The following CFAP77 variants were observed in gnomAD, a reference collection of about 807,000 sequenced individuals.
CFAP77 encodes the protein cilia- and flagella-associated protein 77.
CFAP77 carries 25 observed loss-of-function variants against 31.1 expected under a neutral mutation model. That is an observed-to-expected ratio of 0.80 (90% CI 0.59 to 1.12). CFAP77 has a LOEUF of 1.12. Ranked by LOEUF, CFAP77 falls within the 50% of genes most tolerant of loss-of-function variation. CFAP77 has a pLI of 0.00. For synonymous variants in CFAP77, 151 were observed against 159.9 expected, an observed-to-expected ratio of 0.94 and a Z score of 0.42; for missense variants, 377 against 397.3, an observed-to-expected ratio of 0.95 and a Z score of 0.44.
chr9:132,473,396 A>C (rs1851293484), intron 1 of CFAP77, among the ~76,000 whole-genome samples: 1 of 152,096 alleles, frequency 6.6e-6, no homozygotes, highest in Non-Finnish European at 1.5e-5. Flanking sequence ...TCCCTATTTT[A>C]CAGCTGGGGA....
chr9:132,438,530 TA>T lies in CFAP77; in HGVS notation c.195+28065del, dbSNP rs1564204057. ...GGGGAACAGATATGGTATATATATA[TA>T]TATATATATATTTTTTTTTTTTTTT... On this transcript the variant is annotated intron_variant, in intron 1 of 5. Coordinates refer to ENST00000393216, the MANE Select transcript of CFAP77 (RefSeq NM_001282957.2). Among the ~76,000 whole-genome samples, 525 of 116,064 alleles carry T rather than the reference TA, an allele frequency of 4.5e-3. 7 individuals carry two copies. Among genetic ancestry groups the T allele is most frequent in the African/African-American group, 0.02 (481 of 24,514 alleles). The allele number at this position is 116,064 out of a possible 152,430, so 76.1% of individuals were successfully genotyped here.
chr9:132,501,512 C>G lies in CFAP77; in HGVS notation c.524+1912C>G, dbSNP rs1049658471. Among the ~76,000 whole-genome samples, 2 of 151,946 alleles carry G rather than the reference C, an allele frequency of 1.3e-5. No individual in the cohort carries two copies. Among genetic ancestry groups the G allele is most frequent in the Non-Finnish European group, 2.9e-5 (2 of 68,014 alleles). On this transcript the variant is annotated intron_variant, in intron 3 of 5. Coordinates refer to ENST00000393216, the MANE Select transcript of CFAP77 (RefSeq NM_001282957.2). The surrounding 1 kb of genome is among the most constrained non-coding windows in gnomAD (Gnocchi z 4.6). The stretch of plus-strand genomic sequence containing the variant: ...CTCCCTTCCAGGTTCCAGTGATTCT[C>G]CTGCCTCAGCCTCCCGAGTAGCTGG...
chr9:132,509,843 CT>C (rs1020864885), intron 3 of CFAP77, among the ~76,000 whole-genome samples: 2 of 152,096 alleles, frequency 1.3e-5, no homozygotes, highest in Admixed American at 6.5e-5. Context: ...GGGCCCCCAT[CT>C]TTTCCCCCTT....
At chr9:132,466,826 G>A (rs1340171378) in intron 1 of CFAP77, among the ~76,000 whole-genome samples, 1 of 152,180 alleles carries the variant, frequency 6.6e-6, no homozygotes, top group Non-Finnish European at 1.5e-5. Context: ...ATCAATCAAT[G>A]ACATTTGTCA....
chr9:132,476,513 G>A (rs375980593), intron 1 of CFAP77, among the ~76,000 whole-genome samples: 1 of 152,132 alleles, frequency 6.6e-6, no homozygotes, highest in African/African-American at 2.4e-5. Context: ...CTTGGTACTG[G>A]GATGGTTCCC....
Position 132,501,113 on chromosome 9 carries a change from G to A in CFAP77, c.524+1513G>A, listed in dbSNP as rs570921281. ...TTCTATAAAAGCAGAATGTAGTTGT[G>A]TTTAATCGAAACTCACTCATGGCTC... is the stretch of plus-strand genomic sequence containing the variant. On this transcript the variant is annotated intron_variant, in intron 3 of 5. Coordinates refer to ENST00000393216, the MANE Select transcript of CFAP77 (RefSeq NM_001282957.2). The surrounding 1 kb of genome is among the most constrained non-coding windows in gnomAD (Gnocchi z 4.6). Among the ~76,000 whole-genome samples, 6 of 152,374 alleles carry A rather than the reference G, an allele frequency of 3.9e-5. No homozygotes were observed. The South Asian group carries it at 1.0e-3, about 26-fold the overall frequency.
chr9:132,423,361 C>T (rs1453809649), intron 1 of CFAP77, among the ~76,000 whole-genome samples: 1 of 152,218 alleles, frequency 6.6e-6, no homozygotes, highest in Admixed American at 6.5e-5. Context: ...TTCCAGGAGG[C>T]TCCTGGCTGT....
rs543510616 is a variant in CFAP77 at position 132,565,008 on chromosome 9, C to T, written c.733-7380C>T. On this transcript the variant is annotated intron_variant, in intron 5 of 5. Transcript: ENST00000393216. This position sits in a 1 kb window ranked among gnomAD's most constrained non-coding sequence, Gnocchi z 4.1. Reference sequence around the variant, plus strand: ...ATCTGTAGTATGGGAGAGTTAGATTCGATATCACTAAGGTCTCTTCCAAAC... The same window carrying T: ...ATCTGTAGTATGGGAGAGTTAGATTTGATATCACTAAGGTCTCTTCCAAAC... Among the ~76,000 whole-genome samples, 1 of 151,948 alleles carries T rather than the reference C, an allele frequency of 6.6e-6. No homozygotes were observed. The highest frequency in any genetic ancestry group is 1.5e-5 in the Non-Finnish European group (1 of 67,992).
rs551133148 is a variant in CFAP77, at chr9:132,470,992, A to T, written c.196-27703A>T. 1.7e-4 allele frequency among the ~76,000 whole-genome samples: 26 copies of T among 152,346 alleles called. No homozygotes were observed. The East Asian group carries it at 2.3e-3, about 14-fold the overall frequency. ...GACTCTGTTTCAAAAAATTTTTTTT[A>T]AATGATATTTTATAAATGGATATGT... is the stretch of plus-strand genomic sequence containing the variant. On this transcript the variant is annotated intron_variant, in intron 1 of 5. Coordinates refer to ENST00000393216, the MANE Select transcript of CFAP77 (RefSeq NM_001282957.2).
intron 1 of CFAP77, among the ~76,000 whole-genome samples, chr9:132,474,491 A>G (rs1189920401): frequency 6.6e-6 from 1 of 152,204 alleles, no homozygotes; most frequent in Non-Finnish European, 1.5e-5. Context: ...TTGCTCAAGT[A>G]TGCAGGGATC....
chr9:132,557,683 T>C (rs1386594186), intron 5 of CFAP77, among the ~76,000 whole-genome samples: 1 of 152,166 alleles, frequency 6.6e-6, no homozygotes, highest in African/African-American at 2.4e-5. Context: ...TGGCACCCCA[T>C]GCAAATCGAG....
chr9:132,510,793 C>G (rs994534204), intron 3 of CFAP77, among the ~76,000 whole-genome samples: 2 of 152,150 alleles, frequency 1.3e-5, no homozygotes, highest in Non-Finnish European at 2.9e-5. Flanking sequence ...ACCGCTGGAG[C>G]CTTGCATTCG....
chr9:132,481,428 C>T lies in CFAP77; in HGVS notation c.196-17267C>T, dbSNP rs1028371221. Among the ~76,000 whole-genome samples, 9 of 152,220 alleles carry T rather than the reference C, an allele frequency of 5.9e-5. No individual in the cohort carries two copies. The highest frequency in any genetic ancestry group is 1.9e-4 in the African/African-American group (8 of 41,460). ...TCCCTTTGACTAGCCGCCTAATCCT[C>T]GAACTCACTCCTTACACTCCTCCCT... On this transcript the variant is annotated intron_variant, in intron 1 of 5. Coordinates refer to ENST00000393216, the MANE Select transcript of CFAP77 (RefSeq NM_001282957.2). This position sits in a 1 kb window ranked among gnomAD's most constrained non-coding sequence, Gnocchi z 5.0.
In CFAP77 at chr9:132,480,165, C is replaced by T. The variant is rs924220540; in HGVS notation, c.196-18530C>T. On this transcript the variant is annotated intron_variant, in intron 1 of 5. Transcript: ENST00000393216. The surrounding 1 kb of genome is among the most constrained non-coding windows in gnomAD (Gnocchi z 5.8). ...GGCCTCCTCGGCTGCTCTCCTGGAC[C>T]GCCCTCCCCAGGAGCCACCAGACTC... 1.1e-4 allele frequency among the ~76,000 whole-genome samples: 16 copies of T among 152,142 alleles called. No homozygotes were observed. The highest frequency in any genetic ancestry group is 3.9e-4 in the African/African-American group (16 of 41,434).
chr9:132,508,898 G>A (rs939696854), intron 3 of CFAP77, among the ~76,000 whole-genome samples: 3 of 152,162 alleles, frequency 2.0e-5, no homozygotes, highest in African/African-American at 7.2e-5. Flanking sequence ...GATTTGAGCC[G>A]AGTCTCCCTC....
At chr9:132,546,434 C>T (rs964044216) in intron 5 of CFAP77, among the ~76,000 whole-genome samples, 17 of 152,036 alleles carry the variant, frequency 1.1e-4, no homozygotes, top group Admixed American at 3.9e-4. Flanking sequence ...GAGCCTGTCA[C>T]GGTGATGGAT....
chr9:132,506,335 A>G (rs1851930101), intron 3 of CFAP77, among the ~76,000 whole-genome samples: 2 of 152,232 alleles, frequency 1.3e-5, no homozygotes, highest in Non-Finnish European at 2.9e-5. Context: ...GACACACTTA[A>G]TTATTGATGC....
chr9:132,533,956 C>T (rs115811742), intron 3 of CFAP77, among the ~76,000 whole-genome samples: 4,189 of 152,252 alleles, frequency 0.028, 81 homozygotes, highest in Middle Eastern at 0.092. Flanking sequence ...TTCCAGTTTA[C>T]GTTGGGTTTT....
chr9:132,439,440 C>T (rs73659043), intron 1 of CFAP77, among the ~76,000 whole-genome samples: 9,197 of 152,002 alleles, frequency 0.061, 326 homozygotes, highest in African/African-American at 0.066. Context: ...GGTCACTCCC[C>T]GCTCTGAGCC....
Sources: allele counts gnomAD v4.1 joint callset (sites outside exome capture counted in the v4.1 genomes callset), GRCh38; gene constraint gnomAD v4.1.1; non-coding constraint Gnocchi (gnomAD v3.1); transcripts MANE v1.5; gene names NCBI Gene and HGNC (gene_info 2026-07-23, HGNC 2026-07-21).